Variants in SH3RF3 observed in about 807,000 individuals in gnomAD.
SH3RF3 encodes SH3 domain containing ring finger 3, also known as E3 ubiquitin-protein ligase SH3RF3.
A neutral mutation model predicts 66.3 loss-of-function variants in SH3RF3; 29 were observed. That is an observed-to-expected ratio of 0.44 (90% CI 0.33 to 0.60). The LOEUF (loss-of-function observed/expected upper bound fraction) is 0.60, where lower values mean the gene tolerates loss of function less well. SH3RF3 is among the 20% of genes least tolerant of loss of function. The pLI is 0.04. For synonymous variants in SH3RF3, 583 were observed against 532.0 expected (o/e 1.10, Z -1.32); for missense variants, 1,194 against 1,190.9 (o/e 1.00, Z -0.04).
chr2:109,177,325 T>C (rs909377840), intron 1 of SH3RF3, among the ~76,000 whole-genome samples: 1 of 152,160 alleles, frequency 6.6e-6, no homozygotes, highest in East Asian at 1.9e-4. Context: ...TTATATCTAC[T>C]AAGAAAGATA....
At chr2:109,180,643 C>A (rs1470958276) in intron 1 of SH3RF3, among the ~76,000 whole-genome samples, 1 of 152,084 alleles carries the variant, frequency 6.6e-6, no homozygotes, top group East Asian at 1.9e-4. Flanking sequence ...AAGGAGAAAC[C>A]CTTTTTGCTT....
chr2:109,213,191 C>T (rs1159356653), intron 1 of SH3RF3, among the ~76,000 whole-genome samples: 2 of 152,204 alleles, frequency 1.3e-5, no homozygotes, highest in African/African-American at 4.8e-5. Flanking sequence ...TATTCTCTTC[C>T]TTGGCAAGAA....
At position 109,166,252 on chromosome 2, in the gene SH3RF3, G is replaced by C. The variant is rs368429209; in HGVS notation, c.573+36139G>C. ...CCAGCACTTTGGGAGGCTGAGGCAG[G>C]TGGATCACGAGGTCAGGAGATCGAG... On this transcript the variant is annotated intron_variant, in intron 1 of 9. Transcript: ENST00000309415. 2.1e-4 allele frequency among the ~76,000 whole-genome samples: 32 copies of C among 152,242 alleles called. No homozygotes were observed. The East Asian group carries it at 2.3e-3, about 11-fold the overall frequency.
intron 3 of SH3RF3, among the ~76,000 whole-genome samples, chr2:109,395,160 C>T (rs998950611): frequency 1.3e-4 from 20 of 152,230 alleles, no homozygotes; most frequent in Admixed American, 1.2e-3. Flanking sequence ...GCAGGCAGGC[C>T]AGTGCGTGCG....
intron 1 of SH3RF3, among the ~76,000 whole-genome samples, chr2:109,338,216 T>C (rs984426392): frequency 6.6e-6 from 1 of 152,164 alleles, no homozygotes; most frequent in Non-Finnish European, 1.5e-5. Context: ...CTGTATTAAC[T>C]CATTCGATCT....
Position 109,501,759 on chromosome 2 carries a change from A to G in SH3RF3, c.*88A>G, listed in dbSNP as rs1323459543. ...ACAGAGAGGGAGCCATGGCGCCCCA[A>G]GGGTTCCAGGTCATCTCCAAGGCAC... On this transcript the variant is annotated 3_prime_UTR_variant, in exon 10 of 10. Transcript: ENST00000309415. The G allele has an allele frequency of 1.5e-6, 1 of 663,128 alleles. No homozygotes were observed. 41.1% of individuals were successfully genotyped at this position (663,128 alleles called of 1,614,324 possible).
At chr2:109,415,260 G>A (rs948364352) in intron 4 of SH3RF3, among the ~76,000 whole-genome samples, 4 of 152,228 alleles carry the variant, frequency 2.6e-5, no homozygotes, top group African/African-American at 4.8e-5. Flanking sequence ...GTCTGTGGCT[G>A]TTTGTTTCAG....
intron 1 of SH3RF3, among the ~76,000 whole-genome samples, chr2:109,160,698 G>A (rs567191074): frequency 2.0e-5 from 3 of 152,318 alleles, no homozygotes; most frequent in Admixed American, 1.3e-4. Flanking sequence ...TGACTGCAGG[G>A]GCTGTGCTCT....
intron 1 of SH3RF3, among the ~76,000 whole-genome samples, chr2:109,193,163 C>T (rs1204381159): frequency 6.6e-6 from 1 of 152,216 alleles, no homozygotes; most frequent in Non-Finnish European, 1.5e-5. Flanking sequence ...CCAGAGGTCT[C>T]ACATTTTAAG....
At chr2:109,417,041 G>C (rs1175053170) in intron 4 of SH3RF3, among the ~76,000 whole-genome samples, 2 of 152,228 alleles carry the variant, frequency 1.3e-5, no homozygotes, top group Non-Finnish European at 2.9e-5. Flanking sequence ...GAGTGTCAGT[G>C]TGTCGAGCCT....
intron 1 of SH3RF3, among the ~76,000 whole-genome samples, chr2:109,209,420 C>A (rs954177396): frequency 3.6e-4 from 55 of 152,266 alleles, no homozygotes; most frequent in African/African-American, 1.3e-3. Flanking sequence ...TGTAAACACT[C>A]CCACCTGGCC....
At chr2:109,135,076 CAAAT>C (rs895365602) in intron 1 of SH3RF3, among the ~76,000 whole-genome samples, 5 of 152,234 alleles carry the variant, frequency 3.3e-5, no homozygotes, top group African/African-American at 9.6e-5. Context: ...CAGTAGGTCT[CAAAT>C]AGAGGCCGTG....
intron 9 of SH3RF3, among the ~76,000 whole-genome samples, chr2:109,494,438 A>T (rs527472042): frequency 2.3e-3 from 348 of 152,214 alleles, no homozygotes; most frequent in African/African-American, 7.0e-3. Flanking sequence ...TATCCTGGGG[A>T]GCCCTAGCAG....
At chr2:109,220,126 G>A (rs1358826291) in intron 1 of SH3RF3, among the ~76,000 whole-genome samples, 1 of 152,218 alleles carries the variant, frequency 6.6e-6, no homozygotes, top group Non-Finnish European at 1.5e-5. Context: ...ACTGTCACAT[G>A]TATGGTCCAT....
intron 5 of SH3RF3, among the ~76,000 whole-genome samples, chr2:109,423,981 C>T (rs1420251286): frequency 6.6e-6 from 1 of 152,196 alleles, no homozygotes; most frequent in Non-Finnish European, 1.5e-5. Flanking sequence ...CCCTGGCGGG[C>T]AAAGGTCGGA....
At chr2:109,263,235 CTT>C (rs1174157978) in intron 1 of SH3RF3, among the ~76,000 whole-genome samples, 1 of 152,170 alleles carries the variant, frequency 6.6e-6, no homozygotes, top group Non-Finnish European at 1.5e-5. Context: ...TACTAGTGCT[CTT>C]TGTCATTTTA....
intron 1 of SH3RF3, among the ~76,000 whole-genome samples, chr2:109,200,245 C>T (rs894246881): frequency 6.6e-6 from 1 of 152,096 alleles, no homozygotes; most frequent in Non-Finnish European, 1.5e-5. Context: ...CCCTATCCTG[C>T]ACCTGTAGTT....
chr2:109,215,695 A>C (rs919173336), intron 1 of SH3RF3, among the ~76,000 whole-genome samples: 3 of 152,068 alleles, frequency 2.0e-5, no homozygotes, highest in Admixed American at 6.5e-5. Context: ...GGAATCCTAC[A>C]CCCAGACCGT....
chr2:109,368,690 A>G (rs1204062480), intron 2 of SH3RF3, among the ~76,000 whole-genome samples: 1 of 147,758 alleles, frequency 6.8e-6, no homozygotes, highest in African/African-American at 2.5e-5. Context: ...ACCAGTGTGG[A>G]TATCATGGTA....
Sources: allele counts gnomAD v4.1 joint callset (sites outside exome capture counted in the v4.1 genomes callset), GRCh38; gene constraint gnomAD v4.1.1; transcripts MANE v1.5; gene names NCBI Gene and HGNC (gene_info 2026-07-23, HGNC 2026-07-21).